Variants in VMA12 observed in about 807,000 individuals in gnomAD.
The protein encoded by VMA12 is vacuolar ATPase assembly protein VMA12.
the VMA12 span, chr17:28,357,670 T>G: frequency 6.2e-7 from 1 of 1,612,026 alleles, no homozygotes; most frequent in East Asian, 2.2e-5. Context: ...GCCGGCTAGA[T>G]ATGGCGTCCT....
At chr17:28,359,213 C>T in the VMA12 span, 10 of 1,274,096 alleles carry the variant, frequency 7.8e-6, no homozygotes, top group African/African-American at 1.3e-4. Context: ...ATGTGGGTCT[C>T]CTGATACCTT....
chr17:28,360,008 C>T, the VMA12 span: 2 of 152,382 alleles, frequency 1.3e-5, no homozygotes, highest in African/African-American at 4.9e-5. Flanking sequence ...CACTCTGTCA[C>T]CCAGGCTGGA....
chr17:28,358,955 A>G, the VMA12 span: 6 of 1,612,608 alleles, frequency 3.7e-6, no homozygotes, highest in Non-Finnish European at 4.2e-6. Flanking sequence ...GAAGGCAGTG[A>G]AATCTATCTC....
the VMA12 span, chr17:28,361,467 A>C: frequency 1.8e-6 from 1 of 552,982 alleles, no homozygotes; most frequent in Admixed American, 3.2e-5. Context: ...TCTTTAAAAC[A>C]GAAAGAACTG....
At chr17:28,360,567 G>A in the VMA12 span, 44 of 1,614,092 alleles carry the variant, frequency 2.7e-5, no homozygotes, top group Admixed American at 7.3e-4. Context: ...ACCTGGGAAA[G>A]CAAGGTGAGG....
the VMA12 span, chr17:28,361,196 C>T: frequency 6.2e-7 from 1 of 1,614,102 alleles, no homozygotes; most frequent in South Asian, 1.1e-5. Flanking sequence ...TGTGGTGGGT[C>T]TGGCCGAGCT....
chr17:28,360,507 A>T, the VMA12 span: 11 of 1,613,470 alleles, frequency 6.8e-6, no homozygotes, highest in South Asian at 9.9e-5. Context: ...ATTCTGAATC[A>T]TCTTCTTTTT....
chr17:28,360,961 T>C, the VMA12 span: 5 of 983,438 alleles, frequency 5.1e-6, no homozygotes, highest in South Asian at 5.6e-5. Context: ...ATTTATGCCA[T>C]TAATAAGGGG....
chr17:28,360,529 G>C, the VMA12 span: 1 of 1,614,034 alleles, frequency 6.2e-7, no homozygotes, highest in Non-Finnish European at 8.5e-7. Context: ...TTTTTCCCAG[G>C]ATACAAGACA....
At chr17:28,358,066 T>G in the VMA12 span, 369 of 661,400 alleles carry the variant, frequency 5.6e-4, 1 homozygote, top group African/African-American at 6.1e-3. Flanking sequence ...ATGACAAATT[T>G]GCTTGTGCAG....
At chr17:28,357,689 G>C in the VMA12 span, 1 of 1,612,706 alleles carries the variant, frequency 6.2e-7, no homozygotes, top group Non-Finnish European at 8.5e-7. Context: ...CTCTTTGCTT[G>C]CGGGCGAGCG....
the VMA12 span, chr17:28,360,928 C>G: frequency 8.1e-7 from 1 of 1,240,202 alleles, no homozygotes; most frequent in Non-Finnish European, 1.2e-6. Flanking sequence ...AAGTGCCTTG[C>G]ACAGGTTAGG....
chr17:28,357,910 C>T, the VMA12 span: 4 of 1,611,294 alleles, frequency 2.5e-6, no homozygotes, highest in South Asian at 3.3e-5. Context: ...TCCGGGGTCC[C>T]CTCCTTGTGT....
At chr17:28,360,357 T>C in the VMA12 span, 1 of 610,686 alleles carries the variant, frequency 1.6e-6, no homozygotes, top group South Asian at 1.9e-5. Context: ...ATGTCCTCTC[T>C]CCGAAATGCC....
At chr17:28,360,731 A>G in the VMA12 span, 1 of 1,613,954 alleles carries the variant, frequency 6.2e-7, no homozygotes, top group Non-Finnish European at 8.5e-7. Context: ...GCTCCTCCCC[A>G]AAGTGAGATC....
At chr17:28,359,324 C>T in the VMA12 span, 1 of 1,614,072 alleles carries the variant, frequency 6.2e-7, no homozygotes, top group East Asian at 2.2e-5. Flanking sequence ...GAACCCAGAA[C>T]TAGTTGCCCG....
chr17:28,359,454 G>A, the VMA12 span: 4 of 1,542,698 alleles, frequency 2.6e-6, no homozygotes, highest in Non-Finnish European at 3.6e-6. Context: ...TCAGAGTAGG[G>A]CCCTGCAGTG....
chr17:28,359,085 T>A, the VMA12 span: 11 of 1,283,136 alleles, frequency 8.6e-6, no homozygotes, highest in Non-Finnish European at 1.2e-5. Flanking sequence ...GCTTGAAAAA[T>A]TGTTTTTGAA....
At chr17:28,359,339 G>A in the VMA12 span, 3 of 1,614,084 alleles carry the variant, frequency 1.9e-6, no homozygotes, top group Non-Finnish European at 2.5e-6. Context: ...TGCCCGGCTG[G>A]AGAAGATTAA....
Sources: gnomAD v4.1 joint callset for allele counts on GRCh38, gnomAD v4.1.1 for gene constraint, MANE v1.5 for transcripts, NCBI Gene and HGNC (gene_info 2026-07-23, HGNC 2026-07-21) for gene names.